The following ST13 variants were observed in gnomAD, a reference collection of about 807,000 sequenced individuals.
ST13 encodes hsc70-interacting protein.
Under a neutral mutation model 56.7 loss-of-function variants are expected in ST13, and 23 were observed. The ratio of observed to expected loss-of-function variants is 0.41; its 90% confidence interval spans 0.29 to 0.57. The LOEUF is 0.57. ST13 is among the 20% of genes least tolerant of loss of function. The probability of loss-of-function intolerance (pLI) is 0.36; values close to 1 mark genes in which losing one functional copy is unlikely to be tolerated. For synonymous variants in ST13, 132 were observed against 142.4 expected, an observed-to-expected ratio of 0.93 and a Z score of 0.52; for missense variants, 369 against 459.9, an observed-to-expected ratio of 0.80 and a Z score of 1.81.
chr22:40,835,095 C>G (rs1414759085), intron 7 of ST13, among the ~76,000 whole-genome samples: 2 of 152,186 alleles, frequency 1.3e-5, no homozygotes, highest in Non-Finnish European at 2.9e-5. Flanking sequence ...TTTCAGGTGG[C>G]CTAGCAGTGA....
chr22:40,828,859 C>T (rs1195893481), intron 10 of ST13, among the ~76,000 whole-genome samples: 1 of 152,110 alleles, frequency 6.6e-6, no homozygotes, highest in African/African-American at 2.4e-5. Flanking sequence ...AAATTAGTGC[C>T]TACCCGTAAC....
chr22:40,826,632 G>A lies in ST13; in HGVS notation c.1016C>T (p.Ala339Val). Residue 339 changes from alanine (A) to valine (V), a missense_variant, in exon 12 of 12, where the codon GCT becomes GTT. Coordinates refer to ENST00000216218, the MANE Select transcript of ST13 (RefSeq NM_003932.5). ...PEVMVAFQDV[A>V]QNPANMSKYQ... ...TTTTGACATATTTGCTGGGTTCTGA[G>A]CCACATCCTGGAAAGCCACCATAAC... 6.2e-7 allele frequency: 1 copy of A among 1,608,630 alleles called. No homozygotes were observed. The highest frequency in any genetic ancestry group is 2.2e-5 in the East Asian group (1 of 44,868).
chr22:40,827,188 T>G lies in ST13; in HGVS notation c.889A>C (p.Met297Leu), dbSNP rs758718585. 6.2e-7 allele frequency: 1 copy of G among 1,613,366 alleles called. No individual in the cohort carries two copies. The highest frequency in any genetic ancestry group is 2.2e-5 in the East Asian group (1 of 44,884). The stretch of plus-strand genomic sequence containing the variant: ...GGCATGCCCCCTCCCATTCCAGGCA[T>G]TCCTCCGGGAAAATTACCAGGCATT... ...GGMPGNFPGG[M>L]PGMGGGMPGM... Residue 297 changes from methionine (M) to leucine (L), a missense_variant, in exon 11 of 12, where the codon ATG (methionine) becomes CTG (leucine). Around this residue, in one of 3 missense-constraint regions of ST13, gnomAD observed 136 missense variants for 159.2 expected, o/e 0.85. Transcript: ENST00000216218.
Position 40,856,481 on chromosome 22 carries a change from C to T in ST13, c.60G>A (p.Pro20=), listed in dbSNP as rs747593871. 6 of 1,613,458 alleles carry T rather than the reference C, an allele frequency of 3.7e-6. No individual in the cohort carries two copies. Among genetic ancestry groups the T allele is most frequent in the African/African-American group, 1.3e-5 (1 of 74,894 alleles). The change falls in exon 1 of 12, where the codon CCG becomes CCA. Residue 20 remains proline, a synonymous_variant. Transcript: ENST00000216218. ...RAFVKMCKQD[P]SVLHTEEMRF... ...GCATTTCCTCGGTGTGCAGAACGCT[C>T]GGATCCTGCTTACACATTTTCACAA...
At chr22:40,846,031 G>A (rs1035935053) in intron 3 of ST13, among the ~76,000 whole-genome samples, 3 of 152,122 alleles carry the variant, frequency 2.0e-5, no homozygotes, top group African/African-American at 7.2e-5. Context: ...CTGCCTCCCA[G>A]GTTCAAGCAA....
At chr22:40,855,850 G>A (rs1053696691) in intron 1 of ST13, among the ~76,000 whole-genome samples, 1 of 147,406 alleles carries the variant, frequency 6.8e-6, no homozygotes, top group Non-Finnish European at 1.5e-5. Context: ...TTTCTCAGAC[G>A]TGTTTGGAGT....
intron 5 of ST13, among the ~76,000 whole-genome samples, chr22:40,838,501 C>T (rs978743652): frequency 7.2e-5 from 11 of 151,898 alleles, no homozygotes; most frequent in African/African-American, 2.7e-4. Context: ...TGCCTCACAC[C>T]TGTAATCCTA....
chr22:40,831,473 A>T (rs2057753680), intron 8 of ST13, among the ~76,000 whole-genome samples: 1 of 152,230 alleles, frequency 6.6e-6, no homozygotes, highest in African/African-American at 2.4e-5. Flanking sequence ...AAAAATGTAA[A>T]TATGTATACC....
At chr22:40,855,581 A>T (rs1186989722) in intron 1 of ST13, among the ~76,000 whole-genome samples, 1 of 152,206 alleles carries the variant, frequency 6.6e-6, no homozygotes, top group African/African-American at 2.4e-5. Flanking sequence ...ATAATTTTTT[A>T]AAAAGTCATC....
rs772894989 is a variant in ST13 at position 40,835,767 on chromosome 22, T to C, written c.467+36A>G. 46 of 1,605,536 alleles carry C rather than the reference T, an allele frequency of 2.9e-5. 1 individual carries two copies. In the South Asian group the frequency reaches 5.0e-4, roughly 17 times the overall value. The stretch of plus-strand genomic sequence containing the variant: ...TATTTAAACAAATGTGCAGAAATTA[T>C]TTGCCAGGGGATGCTTTTCTGTTTA... On this transcript the variant is annotated intron_variant, in intron 6 of 11. Transcript: ENST00000216218.
At chr22:40,838,713 A>G (rs1175230537) in intron 5 of ST13, among the ~76,000 whole-genome samples, 1 of 152,166 alleles carries the variant, frequency 6.6e-6, no homozygotes, top group Non-Finnish European at 1.5e-5. Flanking sequence ...GTGAGCCATG[A>G]CCATGCCACT....
At chr22:40,829,225 TA>T (rs2057742692) in intron 10 of ST13, among the ~76,000 whole-genome samples, 1 of 152,168 alleles carries the variant, frequency 6.6e-6, no homozygotes, top group African/African-American at 2.4e-5. Flanking sequence ...TAGTTACCAT[TA>T]AACAACTGGA....
At chr22:40,840,760 T>C (rs921306668) in intron 4 of ST13, 68 bp from the exon 5 acceptor site, 20 of 1,390,746 alleles carry the variant, frequency 1.4e-5, no homozygotes, top group Middle Eastern at 2.0e-4. Context: ...TCATACTTTC[T>C]TAGGGATGAG....
At chr22:40,848,246 G>C (rs1275548331) in intron 3 of ST13, 48 bp downstream of exon 3, 2 of 1,335,856 alleles carry the variant, frequency 1.5e-6, no homozygotes, top group Middle Eastern at 1.8e-4. Flanking sequence ...AATCAACAAA[G>C]TATCACATCA....
chr22:40,835,571 C>T lies in ST13; in HGVS notation c.567G>A (p.Gly189=), dbSNP rs758135790. The change falls in exon 7 of 12, where the codon GGG becomes GGA. Residue 189 remains glycine, a synonymous_variant. Coordinates refer to ENST00000216218, the MANE Select transcript of ST13 (RefSeq NM_003932.5). ...PDSAQPYKWR[G]KAHRLLGHWE... is the part of the protein sequence containing the mutation. ...ATTCAATTATTTACCTGTGTGCTTT[C>T]CCCCGCCACTTGTAAGGCTGAGCTG... 3.7e-6 allele frequency: 6 copies of T among 1,607,876 alleles called. No individual in the cohort carries two copies. In the South Asian group the frequency reaches 4.4e-5, roughly 12 times the overall value.
intron 7 of ST13, among the ~76,000 whole-genome samples, chr22:40,833,975 T>C (rs2145735507): frequency 6.6e-6 from 1 of 152,260 alleles, no homozygotes; most frequent in Admixed American, 6.5e-5. Context: ...ATATTTCAAG[T>C]GGGATATATA....
At chr22:40,854,331 C>A (rs2057877323) in intron 1 of ST13, among the ~76,000 whole-genome samples, 1 of 152,166 alleles carries the variant, frequency 6.6e-6, no homozygotes, top group South Asian at 2.1e-4. Context: ...GAAAAAGCTT[C>A]TATATTAAAT....
intron 10 of ST13, among the ~76,000 whole-genome samples, chr22:40,827,768 G>A (rs1345086332): frequency 6.6e-6 from 1 of 152,024 alleles, no homozygotes; most frequent in East Asian, 1.9e-4. Context: ...ACCTCCCAAA[G>A]TGCTGGGATT....
chr22:40,835,366 CTTT>C (rs753540756), intron 7 of ST13, 191 bp downstream of exon 7: 7 of 453,310 alleles, frequency 1.5e-5, no homozygotes, highest in Middle Eastern at 6.3e-4. Context: ...CTCACTTCTT[CTTT>C]TAAATTTCTT....
Sources: allele counts gnomAD v4.1 joint callset (sites outside exome capture counted in the v4.1 genomes callset), GRCh38; gene constraint gnomAD v4.1.1; regional missense constraint gnomAD v4.1.1; transcripts MANE v1.5; gene names NCBI Gene and HGNC (gene_info 2026-07-23, HGNC 2026-07-21).